Variants in DTD1 observed in about 807,000 individuals in gnomAD.
DTD1 encodes D-tyrosyl-tRNA deacylase 1 homolog.
DTD1 carries 13 observed loss-of-function variants against 25.6 expected under a neutral mutation model. The ratio of observed to expected loss-of-function variants is 0.51; its 90% confidence interval spans 0.33 to 0.81. DTD1 has a LOEUF of 0.81. DTD1 is among the 30% of genes least tolerant of loss of function. The pLI, the probability that DTD1 is intolerant of heterozygous loss-of-function variation, is 0.02. For missense variants in DTD1, 193 were observed against 266.4 expected (o/e 0.72, Z 1.92); for synonymous variants, 110 against 103.6 (o/e 1.06, Z -0.37).
At chr20:18,594,045 C>G (rs1251420420) in intron 2 of DTD1, among the ~76,000 whole-genome samples, 1 of 152,186 alleles carries the variant, frequency 6.6e-6, no homozygotes, top group Non-Finnish European at 1.5e-5. Flanking sequence ...CCGCCTGTCC[C>G]CTGTCTGTTT....
chr20:18,756,613 T>C (rs2061340334), intron 5 of DTD1, among the ~76,000 whole-genome samples: 1 of 152,172 alleles, frequency 6.6e-6, no homozygotes, highest in African/African-American at 2.4e-5. Flanking sequence ...GACTCTGCTC[T>C]GTTCCATTGG....
chr20:18,697,960 A>G (rs572022255), intron 4 of DTD1, among the ~76,000 whole-genome samples: 18 of 152,320 alleles, frequency 1.2e-4, no homozygotes, highest in African/African-American at 3.6e-4. Context: ...AAATCAGTCT[A>G]CCATAACTTT....
chr20:18,697,311 A>G (rs1279609930), intron 4 of DTD1, among the ~76,000 whole-genome samples: 1 of 152,130 alleles, frequency 6.6e-6, no homozygotes, highest in Non-Finnish European at 1.5e-5. Flanking sequence ...TAATACAACT[A>G]TTTTGATTCC....
At chr20:18,638,451 T>C (rs2122331532) in intron 4 of DTD1, among the ~76,000 whole-genome samples, 1 of 152,248 alleles carries the variant, frequency 6.6e-6, no homozygotes, top group Non-Finnish European at 1.5e-5. Flanking sequence ...TGCTGTTGGC[T>C]AGAAGTCCCC....
chr20:18,648,771 C>T (rs545478028), intron 4 of DTD1, among the ~76,000 whole-genome samples: 22 of 151,858 alleles, frequency 1.4e-4, no homozygotes, highest in South Asian at 8.3e-4. Context: ...CCGAGGTGGG[C>T]GGATCACGAG....
At chr20:18,657,711 A>G (rs2060895828) in intron 4 of DTD1, among the ~76,000 whole-genome samples, 1 of 152,246 alleles carries the variant, frequency 6.6e-6, no homozygotes, top group Non-Finnish European at 1.5e-5. Flanking sequence ...TTAGTGGCTT[A>G]AAACAATAAC....
At chr20:18,680,416 C>T (rs1221131112) in intron 4 of DTD1, among the ~76,000 whole-genome samples, 4 of 99,814 alleles carry the variant, frequency 4.0e-5, no homozygotes, top group African/African-American at 6.8e-5. Context: ...TTGTTGTCTA[C>T]GTTTTTTTTT....
chr20:18,617,794 T>C (rs1051836442), intron 3 of DTD1, among the ~76,000 whole-genome samples: 1 of 152,218 alleles, frequency 6.6e-6, no homozygotes, highest in African/African-American at 2.4e-5. Flanking sequence ...TATGATGTGA[T>C]GTACTGTTTT....
chr20:18,752,137 C>T (rs928121892), intron 5 of DTD1, among the ~76,000 whole-genome samples: 20 of 151,876 alleles, frequency 1.3e-4, no homozygotes, highest in Non-Finnish European at 2.4e-4. Context: ...TTTGGTTTTC[C>T]GCAGTTTGGA....
chr20:18,628,309 G>C, intron 4 of DTD1, 76 bp downstream of exon 4: 1 of 1,106,992 alleles, frequency 9.0e-7, no homozygotes, highest in Non-Finnish European at 1.3e-6. Context: ...AAGAGTCCTC[G>C]GTCTGAGGAA....
At chr20:18,713,554 C>G (rs546468131) in intron 4 of DTD1, among the ~76,000 whole-genome samples, 11 of 152,282 alleles carry the variant, frequency 7.2e-5, no homozygotes, top group African/African-American at 2.6e-4. Context: ...GTCCCTGGTG[C>G]ACAGAAAAGG....
chr20:18,684,776 TG>T (rs1205642881), intron 4 of DTD1, among the ~76,000 whole-genome samples: 11 of 152,204 alleles, frequency 7.2e-5, no homozygotes, highest in Non-Finnish European at 1.5e-4. Flanking sequence ...AGCCTTTTCT[TG>T]TTATAAGAAT....
chr20:18,667,926 A>G (rs1183822535), intron 4 of DTD1, among the ~76,000 whole-genome samples: 1 of 152,150 alleles, frequency 6.6e-6, no homozygotes, highest in Non-Finnish European at 1.5e-5. Context: ...GGTGGGAATG[A>G]CTTGCGTATC....
intron 4 of DTD1, among the ~76,000 whole-genome samples, chr20:18,628,678 C>G (rs1054302445): frequency 6.6e-6 from 1 of 152,184 alleles, no homozygotes. Flanking sequence ...AGTGTCTGAC[C>G]TGGATTTGCT....
chr20:18,712,903 C>G lies in DTD1; in HGVS notation c.478-31197C>G, dbSNP rs117156555. On this transcript the variant is annotated intron_variant, in intron 4 of 5. Transcript: ENST00000377452. ...CTCCTTACCTTGCCACATAAGGTACCAGTTTCATCAGAGGCATCTGGCAAG... is the reference window on the plus strand; with the variant it reads ...CTCCTTACCTTGCCACATAAGGTACGAGTTTCATCAGAGGCATCTGGCAAG... Among the ~76,000 whole-genome samples, 50 of 152,366 alleles carry G rather than the reference C, an allele frequency of 3.3e-4. No homozygotes were observed. In the East Asian group the frequency reaches 9.4e-3, roughly 29 times the overall value.
intron 4 of DTD1, among the ~76,000 whole-genome samples, chr20:18,722,786 G>C (rs753452367): frequency 6.6e-6 from 1 of 152,152 alleles, no homozygotes; most frequent in Non-Finnish European, 1.5e-5. Flanking sequence ...AGAAGTGCCA[G>C]GTAAATGGCA....
chr20:18,608,808 GA>G lies in DTD1; in HGVS notation c.370+12571del, dbSNP rs2074772063. Among the ~76,000 whole-genome samples the G allele has an allele frequency of 2.0e-5, 3 of 152,296 alleles. No individual in the cohort carries two copies. The South Asian group carries it at 6.2e-4, about 32-fold the overall frequency. ...AGTTCGACTAATCAAGACTTAGCTA[GA>G]AAATGTCTTAGAATAATGGTCCTGG... On this transcript the variant is annotated intron_variant, in intron 3 of 5. Transcript: ENST00000377452.
In DTD1 at chr20:18,706,720, T is replaced by C. The variant is rs532974864; in HGVS notation, c.478-37380T>C. Among the ~76,000 whole-genome samples the C allele has an allele frequency of 1.2e-4, 19 of 152,306 alleles. No individual in the cohort carries two copies. The South Asian group carries it at 2.1e-3, about 17-fold the overall frequency. On this transcript the variant is annotated intron_variant, in intron 4 of 5. Coordinates refer to ENST00000377452, the MANE Select transcript of DTD1 (RefSeq NM_080820.6). The stretch of plus-strand genomic sequence containing the variant: ...TTTTACTTGTGTTCTCTGAGGCAGA[T>C]CAAGTGGAGTTTATTTCTAGGCAGA...
chr20:18,644,815 A>G (rs1049180662), intron 4 of DTD1, among the ~76,000 whole-genome samples: 2 of 152,126 alleles, frequency 1.3e-5, no homozygotes, highest in African/African-American at 2.4e-5. Context: ...AGGAGGAGGA[A>G]AGGAATCAGG....
Sources: allele counts gnomAD v4.1 joint callset (sites outside exome capture counted in the v4.1 genomes callset), GRCh38; gene constraint gnomAD v4.1.1; transcripts MANE v1.5; gene names NCBI Gene and HGNC (gene_info 2026-07-23, HGNC 2026-07-21).